The following CD226 variants were observed in gnomAD, a reference collection of about 807,000 sequenced individuals.
The protein encoded by CD226 is CD226 molecule.
CD226 carries 24 observed loss-of-function variants against 34.9 expected under a neutral mutation model. The ratio of observed to expected loss-of-function variants is 0.69; its 90% confidence interval spans 0.50 to 0.97. The LOEUF (loss-of-function observed/expected upper bound fraction) is 0.97, where lower values mean the gene tolerates loss of function less well. Among genes scored for constraint, CD226 ranks in the 50% least tolerant of loss-of-function variants. The pLI, the probability that CD226 is intolerant of heterozygous loss-of-function variation, is 0.00. For synonymous variants in CD226, 148 were observed against 147.4 expected (o/e 1.00, Z -0.03); for missense variants, 397 against 412.7 (o/e 0.96, Z 0.33).
chr18:69,932,888 G>A (rs2055605504), intron 2 of CD226, among the ~76,000 whole-genome samples: 1 of 152,196 alleles, frequency 6.6e-6, no homozygotes, highest in Non-Finnish European at 1.5e-5. Flanking sequence ...TTGAGCTTGA[G>A]ATGAGGGACT....
upstream of CD226, among the ~76,000 whole-genome samples, chr18:69,958,842 T>A (rs2055916333): frequency 6.7e-6 from 1 of 149,918 alleles, no homozygotes; most frequent in Non-Finnish European, 1.5e-5. Flanking sequence ...CTTCTCCTTA[T>A]CACCCATAAT....
chr18:69,879,470 AT>A (rs1254085618), intron 3 of CD226, among the ~76,000 whole-genome samples: 1 of 152,022 alleles, frequency 6.6e-6, no homozygotes, highest in African/African-American at 2.4e-5. Flanking sequence ...TCTCTTACCC[AT>A]TTTCGATAAT....
At chr18:69,926,100 G>A (rs534644382) in intron 2 of CD226, among the ~76,000 whole-genome samples, 75 of 152,046 alleles carry the variant, frequency 4.9e-4, no homozygotes, top group African/African-American at 1.2e-3. Flanking sequence ...CCAAGATTGC[G>A]CCACTGCACT....
intron 2 of CD226, among the ~76,000 whole-genome samples, chr18:69,899,207 G>A (rs1050157300): frequency 6.6e-6 from 1 of 152,098 alleles, no homozygotes; most frequent in African/African-American, 2.4e-5. Context: ...ACATTGCTGG[G>A]TACATCTTCA....
chr18:69,935,625 C>T (rs1269903384), intron 2 of CD226, among the ~76,000 whole-genome samples: 3 of 152,208 alleles, frequency 2.0e-5, no homozygotes, highest in Non-Finnish European at 4.4e-5. Flanking sequence ...TGGCAGCCGC[C>T]TTCAGTGCTG....
At position 69,946,831 on chromosome 18, in the gene CD226, A is replaced by G; in HGVS notation, c.285T>C (p.Phe95=). The change falls in exon 2 of 6, where the codon TTT becomes TTC. Residue 95 remains phenylalanine, a synonymous_variant. Coordinates refer to ENST00000582621, the MANE Select transcript of CD226 (RefSeq NM_001303618.2). The part of the protein sequence containing the change: ...TMASNNMTLF[F]RNASEDDVGY... ...CAACATCATCTTCAGAGGCATTCCG[A>G]AAGAAAAGAGTCATGTTATTGGAAG... 1 of 1,614,206 alleles carries G rather than the reference A, an allele frequency of 6.2e-7. No individual in the cohort carries two copies. The highest frequency in any genetic ancestry group is 8.5e-7 in the Non-Finnish European group (1 of 1,180,032).
chr18:69,945,663 G>A (rs2055780095), intron 2 of CD226, among the ~76,000 whole-genome samples: 1 of 152,102 alleles, frequency 6.6e-6, no homozygotes, highest in African/African-American at 2.4e-5. Flanking sequence ...AGACCAGCCT[G>A]GGCAACATGT....
intron 4 of CD226, among the ~76,000 whole-genome samples, chr18:69,869,580 A>G (rs187151615): frequency 9.2e-5 from 14 of 152,316 alleles, no homozygotes; most frequent in Admixed American, 3.9e-4. Flanking sequence ...GGGTGATGCA[A>G]TATGCTATAC....
At chr18:69,940,644 G>A (rs1474970298) in intron 2 of CD226, among the ~76,000 whole-genome samples, 2 of 152,188 alleles carry the variant, frequency 1.3e-5, no homozygotes, top group Admixed American at 6.5e-5. Flanking sequence ...TTGAACTTGA[G>A]AGAGATAATT....
rs370867288 is a variant in CD226 at position 69,923,187 on chromosome 18, A to AAAGGAAGG, written c.382+23539_382+23546dup. 8.5e-3 allele frequency among the ~76,000 whole-genome samples: 1,274 copies of AAAGGAAGG among 150,744 alleles called. 23 individuals are homozygous for AAAGGAAGG. The highest frequency in any genetic ancestry group is 0.029 in the African/African-American group (1,179 of 40,750). On this transcript the variant is annotated intron_variant, in intron 2 of 5. Coordinates refer to ENST00000582621, the MANE Select transcript of CD226 (RefSeq NM_001303618.2). The stretch of plus-strand genomic sequence containing the variant: ...GAAAGAGAAAAAGAGAGAAAGAAAG[A>AAAGGAAGG]AAGGAAGGAAGGAAGGAAGGAAAGG...
chr18:69,912,923 C>A (rs2055343131), intron 2 of CD226, among the ~76,000 whole-genome samples: 1 of 152,182 alleles, frequency 6.6e-6, no homozygotes, highest in Non-Finnish European at 1.5e-5. Context: ...AACCACACAG[C>A]ACAACCAGGA....
chr18:69,937,312 C>T (rs567711870), intron 2 of CD226, among the ~76,000 whole-genome samples: 3 of 152,168 alleles, frequency 2.0e-5, no homozygotes, highest in Non-Finnish European at 4.4e-5. Flanking sequence ...TACACTGGAG[C>T]CTACTATCTA....
intron 5 of CD226, among the ~76,000 whole-genome samples, chr18:69,866,047 C>T (rs777430975): frequency 5.3e-5 from 8 of 152,108 alleles, no homozygotes; most frequent in Non-Finnish European, 1.0e-4. Flanking sequence ...TGAGGGCCTG[C>T]GGGCCTGTTT....
chr18:69,868,607 A>G (rs1013113735), intron 4 of CD226, among the ~76,000 whole-genome samples: 1 of 152,238 alleles, frequency 6.6e-6, no homozygotes, highest in Non-Finnish European at 1.5e-5. Context: ...TATAAATTAG[A>G]TCATTTACTC....
chr18:69,923,363 C>A (rs1295054214), intron 2 of CD226, among the ~76,000 whole-genome samples: 2 of 152,102 alleles, frequency 1.3e-5, no homozygotes, highest in African/African-American at 4.8e-5. Flanking sequence ...GGGATCAATG[C>A]AGGGCTGAAG....
chr18:69,868,585 C>G (rs1278301284), intron 4 of CD226, among the ~76,000 whole-genome samples: 2 of 152,014 alleles, frequency 1.3e-5, no homozygotes, highest in Non-Finnish European at 2.9e-5. Context: ...AGGCATATGG[C>G]TAGGTGTTTT....
intron 2 of CD226, among the ~76,000 whole-genome samples, chr18:69,907,948 T>C (rs1308317983): frequency 6.6e-6 from 1 of 152,192 alleles, no homozygotes; most frequent in East Asian, 1.9e-4. Flanking sequence ...AGTTATAACC[T>C]CTGTTTGTAC....
chr18:69,881,806 A>C (rs1207505817), intron 3 of CD226, among the ~76,000 whole-genome samples: 1 of 152,174 alleles, frequency 6.6e-6, no homozygotes, highest in Non-Finnish European at 1.5e-5. Context: ...TTGCCTTGGC[A>C]GACCACCGGA....
intron 4 of CD226, among the ~76,000 whole-genome samples, chr18:69,869,790 CT>C (rs1322414203): frequency 1.4e-5 from 2 of 142,742 alleles, no homozygotes; most frequent in Non-Finnish European, 3.1e-5. Flanking sequence ...GAGAGATTTT[CT>C]TTTTTTTCTT....
Sources: gnomAD v4.1 joint callset for allele counts (sites outside exome capture counted in the v4.1 genomes callset) on GRCh38, gnomAD v4.1.1 for gene constraint, MANE v1.5 for transcripts, NCBI Gene and HGNC (gene_info 2026-07-23, HGNC 2026-07-21) for gene names.